The following MYLK3 variants were observed in gnomAD, a reference collection of about 807,000 sequenced individuals.
The protein encoded by MYLK3 is myosin light chain kinase 3, also known as MLC kinase.
In MYLK3, 55 loss-of-function variants were observed where a neutral mutation model predicts 76.3. The ratio of observed to expected loss-of-function variants is 0.72; its 90% CI spans 0.58 to 0.90. The LOEUF (loss-of-function observed/expected upper bound fraction) is 0.90, where lower values mean the gene tolerates loss of function less well. Ranked by LOEUF, MYLK3 falls within the 40% of genes least tolerant of loss-of-function variation. The probability of loss-of-function intolerance (pLI) is 0.00; values close to 1 mark genes in which losing one functional copy is unlikely to be tolerated. For missense variants in MYLK3, 973 were observed against 1,053.6 expected, an observed-to-expected ratio of 0.92 and a Z score of 1.06; for synonymous variants, 416 against 425.4, an observed-to-expected ratio of 0.98 and a Z score of 0.27.
At chr16:46,710,560 GGTCAGCAGTCCTGCCCAGCTCCCA>G (rs1966671959) in intron 11 of MYLK3, 53 bp downstream of exon 11, 4 of 1,521,352 alleles carry the variant, frequency 2.6e-6, no homozygotes, top group Admixed American at 1.9e-5. Flanking sequence ...GGACCTTCAC[GGTCAGCAGTCCTGCCCAGCTCCCA>G]GACCTGGGGT....
intron 1 of MYLK3, among the ~76,000 whole-genome samples, chr16:46,756,119 A>G (rs909710134): frequency 1.3e-5 from 2 of 152,224 alleles, no homozygotes; most frequent in African/African-American, 4.8e-5. Context: ...CGTGTTGCCC[A>G]GGCTGGTCTC....
At chr16:46,751,631 G>A (rs902341565), upstream of MYLK3, among the ~76,000 whole-genome samples, 8 of 152,134 alleles carry the variant, frequency 5.3e-5, no homozygotes, top group African/African-American at 9.7e-5. Flanking sequence ...GGCAGCAGGC[G>A]GCTGAGCAGA....
At position 46,730,565 on chromosome 16, in the gene MYLK3, C is replaced by G. The variant is rs780181089; in HGVS notation, c.1568+28G>C. ...CTGCCCCGTGACTCCTGCTCTAAGC[C>G]CCCCAACCAAGGCAGATGCCCACCT... is the stretch of plus-strand genomic sequence containing the variant. On this transcript the variant is annotated intron_variant, in intron 5 of 12. Coordinates refer to ENST00000394809, the MANE Select transcript of MYLK3 (RefSeq NM_182493.3). 3.1e-6 allele frequency: 5 copies of G among 1,592,032 alleles called. No individual in the cohort carries two copies. The South Asian group carries it at 4.4e-5, about 14-fold the overall frequency.
intron 1 of MYLK3, among the ~76,000 whole-genome samples, chr16:46,755,812 T>A (rs887886441): frequency 4.0e-5 from 6 of 151,844 alleles, no homozygotes; most frequent in Non-Finnish European, 8.8e-5. Context: ...GCTCAAACAT[T>A]AGCCATCAGC....
chr16:46,712,791 A>G lies in MYLK3; in HGVS notation c.1986-15T>C. The G allele has an allele frequency of 6.3e-7, 1 of 1,576,064 alleles. No homozygotes were observed. The highest frequency in any genetic ancestry group is 2.3e-5 in the East Asian group (1 of 43,008). ...GAGGCTTGTACCTGGGGAGAAGGGGAGGGTACAAAGAAGCATGGGGTGAGG... is the reference window on the plus strand; with the variant it reads ...GAGGCTTGTACCTGGGGAGAAGGGGGGGGTACAAAGAAGCATGGGGTGAGG... On this transcript the variant is annotated splice_polypyrimidine_tract_variant and intron_variant, in intron 9 of 12. Coordinates refer to ENST00000394809, the MANE Select transcript of MYLK3 (RefSeq NM_182493.3).
intron 6 of MYLK3, among the ~76,000 whole-genome samples, 185 bp downstream of exon 6, chr16:46,729,409 C>T (rs1216064640): frequency 6.6e-6 from 1 of 152,158 alleles, no homozygotes; most frequent in Non-Finnish European, 1.5e-5. Flanking sequence ...GCCTGGACAC[C>T]TGCGCATGGA....
chr16:46,730,643 C>T lies in MYLK3; in HGVS notation c.1518G>A (p.Glu506=), dbSNP rs772262835. Residue 506 remains glutamate (E), a synonymous_variant, in exon 5 of 13, where the codon GAG becomes GAA. Transcript: ENST00000394809. Reference sequence around the variant, plus strand: ...CCTCGTAACCCGCAGAGATGGAGGTCTCCTTGACGCTCACTACCCGGTGTT... The same window carrying T: ...CCTCGTAACCCGCAGAGATGGAGGTTTCCTTGACGCTCACTACCCGGTGTT... The part of the protein sequence containing the change: ...PFEHRVVSVK[E]TSISAGYEVC... 1.2e-6 allele frequency: 2 copies of T among 1,614,108 alleles called. No individual in the cohort carries two copies. The highest frequency in any genetic ancestry group is 4.5e-5 in the East Asian group (2 of 44,872).
chr16:46,734,276 A>T (rs1370990108), intron 3 of MYLK3, among the ~76,000 whole-genome samples: 1 of 152,170 alleles, frequency 6.6e-6, no homozygotes, highest in African/African-American at 2.4e-5. Context: ...GCATCGATGG[A>T]CCCTGAGGAC....
chr16:46,742,352 T>C (rs1966945358), intron 1 of MYLK3, among the ~76,000 whole-genome samples: 1 of 148,572 alleles, frequency 6.7e-6, no homozygotes, highest in South Asian at 2.2e-4. Context: ...AGGTCAGGAG[T>C]TCAAGACCAG....
Position 46,702,862 on chromosome 16 carries a change from A to C in MYLK3, c.*4842T>G, listed in dbSNP as rs953671342. Among the ~76,000 whole-genome samples the C allele has an allele frequency of 4.0e-5, 6 of 151,768 alleles. No homozygotes were observed. Among genetic ancestry groups the C allele is most frequent in the Admixed American group, 2.0e-4 (3 of 15,222 alleles). On this transcript the variant is annotated 3_prime_UTR_variant, in exon 13 of 13. Transcript: ENST00000394809. ...CTTGAACTCGGGAGGTGGATGTTGC[A>C]GTAAGCCAAGATTGCGCCACTGCAC... is the stretch of plus-strand genomic sequence containing the variant.
intron 5 of MYLK3, among the ~76,000 whole-genome samples, chr16:46,730,260 CCA>C (rs1356275854): frequency 6.6e-6 from 1 of 152,128 alleles, no homozygotes; most frequent in Non-Finnish European, 1.5e-5. Flanking sequence ...CCTGGGCTAT[CCA>C]CCCTAAAGAA....
intron 1 of MYLK3, among the ~76,000 whole-genome samples, chr16:46,743,143 G>A (rs1046790315): frequency 2.0e-5 from 3 of 152,202 alleles, no homozygotes; most frequent in Non-Finnish European, 4.4e-5. Context: ...GAACACATAT[G>A]CCTGGGGCTG....
At position 46,737,754 on chromosome 16, in the gene MYLK3, C is replaced by G; in HGVS notation, c.958G>C (p.Ala320Pro). 2 of 1,610,094 alleles carry G rather than the reference C, an allele frequency of 1.2e-6. No homozygotes were observed. Among genetic ancestry groups the G allele is most frequent in the Non-Finnish European group, 1.7e-6 (2 of 1,178,770 alleles). Residue 320 changes from alanine to proline, a missense_variant, in exon 3 of 13, where the codon GCC becomes CCC. Transcript: ENST00000394809. ...PQCPGPPGLP[A>P]QARATHSGGE... is the part of the protein sequence containing the mutation. ...CCACTGTGGGTTGCCCTGGCCTGGG[C>G]TGGCAGCCCTGGAGGCCCTGGGCAC...
At chr16:46,749,879 C>T (rs992583753), upstream of MYLK3, among the ~76,000 whole-genome samples, 1 of 152,224 alleles carries the variant, frequency 6.6e-6, no homozygotes, top group Admixed American at 6.5e-5. Context: ...TGCCCCTGGG[C>T]AGCCCACAGA....
intron 9 of MYLK3, among the ~76,000 whole-genome samples, chr16:46,717,539 C>A (rs550295855): frequency 6.6e-6 from 1 of 151,970 alleles, no homozygotes; most frequent in Admixed American, 6.6e-5. Context: ...TTCCCCCAAC[C>A]AGCCCGCACA....
chr16:46,711,111 T>G (rs1440166673), intron 10 of MYLK3: 1 of 291,616 alleles, frequency 3.4e-6, no homozygotes, highest in East Asian at 8.1e-5. Context: ...ACACATTGAT[T>G]TAATTTTAGA....
Position 46,709,416 on chromosome 16 carries a change from T to C in MYLK3, c.2400+123A>G, listed in dbSNP as rs553595727. ...CAGCCTGGGCAACAGAGCAAGACCC[T>C]GTCTATAAAAACAAACCCAAAAAGA... On this transcript the variant is annotated intron_variant, in intron 12 of 12. Transcript: ENST00000394809. 118 of 1,105,406 alleles carry C rather than the reference T, an allele frequency of 1.1e-4. 1 individual carries two copies. The East Asian group carries it at 2.8e-3, about 26-fold the overall frequency. The allele number at this position is 1,105,406 out of a possible 1,614,324, so 68.5% of individuals were successfully genotyped here.
intron 9 of MYLK3, among the ~76,000 whole-genome samples, chr16:46,718,200 G>A (rs926407182): frequency 2.6e-5 from 4 of 152,202 alleles, no homozygotes; most frequent in Admixed American, 6.5e-5. Context: ...GGCAGGCAGC[G>A]ATAATGAAAT....
chr16:46,748,260 C>G lies in MYLK3; in HGVS notation c.-67G>C. ...GAGGCACAGACCCCTGGTTCTCACT[C>G]AGGCGGTGGTGTCTGCAAGGTCATT... is the stretch of plus-strand genomic sequence containing the variant. On this transcript the variant is annotated 5_prime_UTR_variant, in exon 1 of 13. Transcript: ENST00000394809. This position sits in a 1 kb window ranked among gnomAD's most constrained non-coding sequence, Gnocchi z 4.3. 6.5e-7 allele frequency: 1 copy of G among 1,530,536 alleles called. No individual in the cohort carries two copies. The highest frequency in any genetic ancestry group is 1.3e-5 in the South Asian group (1 of 78,644). 94.8% of individuals were successfully genotyped at this position (1,530,536 alleles called of 1,614,324 possible). A position where few individuals can be genotyped will look rare whatever the true frequency, so the allele number is the denominator to read the frequency against.
Sources: gnomAD v4.1 joint callset for allele counts (sites outside exome capture counted in the v4.1 genomes callset) on GRCh38, gnomAD v4.1.1 for gene constraint, Gnocchi (gnomAD v3.1) non-coding constraint, MANE v1.5 for transcripts, NCBI Gene and HGNC (gene_info 2026-07-23, HGNC 2026-07-21) for gene names.